The following FADS2 variants were observed in gnomAD, a reference collection of about 807,000 sequenced individuals.
The protein encoded by FADS2 is fatty acid desaturase 2.
FADS2 carries 18 observed loss-of-function variants against 61.2 expected under a neutral mutation model. The ratio of observed to expected loss-of-function variants is 0.29; its 90% CI spans 0.20 to 0.44. The LOEUF is 0.44. FADS2 is among the 20% of genes least tolerant of loss of function. The pLI is 1.00. For missense variants in FADS2, 322 were observed against 572.7 expected, an observed-to-expected ratio of 0.56 and a Z score of 4.47; for synonymous variants, 203 against 223.9, an observed-to-expected ratio of 0.91 and a Z score of 0.83.
rs528532061 is a variant in FADS2, at chr11:61,840,535, A to G, written c.516+4A>G. On this transcript the variant is annotated splice_donor_region_variant and intron_variant, in intron 3 of 11. Coordinates refer to ENST00000278840, the MANE Select transcript of FADS2 (RefSeq NM_004265.4). ...CTTTGTCCTTGCTACCTCTCAGGTG[A>G]GGCGTGACACCCTCACTTCCCCTAG... is the stretch of plus-strand genomic sequence containing the variant. 3.1e-6 allele frequency: 5 copies of G among 1,614,066 alleles called. No individual in the cohort carries two copies. The highest frequency in any genetic ancestry group is 4.2e-6 in the Non-Finnish European group (5 of 1,179,978).
rs1469941173 is a variant in FADS2, at chr11:61,821,500, A to C, written c.141+5074A>C. ...TCAAATTTTGATCCATTTTAACAAA[A>C]GATCCTAAACATAATAGTTGGCCAA... is the stretch of plus-strand genomic sequence containing the variant. On this transcript the variant is annotated intron_variant, in intron 1 of 11. Coordinates refer to the FADS2 transcript ENST00000257261. 4.3e-6 allele frequency: 3 copies of C among 695,152 alleles called. No individual in the cohort carries two copies. In the African/African-American group the frequency reaches 5.3e-5, roughly 12 times the overall value. The allele number at this position is 695,152 out of a possible 1,614,324, so 43.1% of individuals were successfully genotyped here. A position where few individuals can be genotyped will look rare whatever the true frequency, so the allele number is the denominator to read the frequency against.
chr11:61,852,585 T>C (rs182725128), intron 5 of FADS2, among the ~76,000 whole-genome samples: 1 of 152,328 alleles, frequency 6.6e-6, no homozygotes, highest in Admixed American at 6.5e-5. Flanking sequence ...TTTATATGTC[T>C]CATGGATGTT....
chr11:61,865,597 C>A lies in FADS2; in HGVS notation c.1284-41C>A. 1 of 1,598,554 alleles carries A rather than the reference C, an allele frequency of 6.3e-7. No individual in the cohort carries two copies. Among genetic ancestry groups the A allele is most frequent in the Non-Finnish European group, 8.6e-7 (1 of 1,167,778 alleles). On this transcript the variant is annotated intron_variant, in intron 11 of 11. Coordinates refer to ENST00000278840, the MANE Select transcript of FADS2 (RefSeq NM_004265.4). The surrounding 1 kb of genome is among the most constrained non-coding windows in gnomAD (Gnocchi z 4.1). ...GCCCTTGCACTCCCTGGGGCCACTCCCGTCCTGGTCCCTGACCCTGGTCCA... is the reference window on the plus strand; with the variant it reads ...GCCCTTGCACTCCCTGGGGCCACTCACGTCCTGGTCCCTGACCCTGGTCCA...
upstream of FADS2, among the ~76,000 whole-genome samples, chr11:61,824,393 AAAGAGAG>A (rs2067053750): frequency 1.6e-5 from 1 of 63,492 alleles, no homozygotes; most frequent in Non-Finnish European, 3.3e-5. Flanking sequence ...GGGGAAAAAA[AAAGAGAG>A]AGAGAGAGAG....
chr11:61,819,351 G>A (rs1252792758), intron 1 of FADS2, among the ~76,000 whole-genome samples: 4 of 152,176 alleles, frequency 2.6e-5, no homozygotes, highest in Admixed American at 6.5e-5. Flanking sequence ...CGAGGCAGGC[G>A]GATTGCCTGA....
rs2067100431 is a variant in FADS2 at position 61,828,342 on chromosome 11, C to G, written c.-49C>G. ...AGGCAGCCGTCTGTGCAGCGAGCAG[C>G]CGGCGCGGGGAGGCCGCAGTGCACG... is the stretch of plus-strand genomic sequence containing the variant. On this transcript the variant is annotated 5_prime_UTR_variant, in exon 1 of 12. Coordinates refer to ENST00000278840, the MANE Select transcript of FADS2 (RefSeq NM_004265.4). The surrounding 1 kb of genome is among the most constrained non-coding windows in gnomAD (Gnocchi z 6.4). 2 of 1,541,146 alleles carry G rather than the reference C, an allele frequency of 1.3e-6. No homozygotes were observed. Among genetic ancestry groups the G allele is most frequent in the East Asian group, 4.9e-5 (2 of 40,834 alleles).
chr11:61,824,507 G>GAA (rs1279487314), upstream of FADS2, among the ~76,000 whole-genome samples: 2 of 103,962 alleles, frequency 1.9e-5, no homozygotes, highest in African/African-American at 3.6e-5. Flanking sequence ...AGAAAGGAAA[G>GAA]AAAGAAAGAA....
chr11:61,847,130 C>A (rs2067267337), intron 4 of FADS2: 1 of 151,954 alleles, frequency 6.6e-6, no homozygotes, highest in Non-Finnish European at 1.5e-5. Context: ...GGCGGGGTTT[C>A]ACCATGTTGC....
In FADS2 at chr11:61,863,279, C is replaced by A; in HGVS notation, c.981-3C>A. 5.0e-6 allele frequency: 8 copies of A among 1,612,540 alleles called. No individual in the cohort carries two copies. Among genetic ancestry groups the A allele is most frequent in the Non-Finnish European group, 6.8e-6 (8 of 1,178,722 alleles). On this transcript the variant is annotated splice_polypyrimidine_tract_variant and splice_region_variant and intron_variant, in intron 8 of 11. Coordinates refer to ENST00000278840, the MANE Select transcript of FADS2 (RefSeq NM_004265.4). ...CCCTGCGCTGAGCTGTGTTCTCTTG[C>A]AGGTTCCTGGAGAGCCACTGGTTTG...
At chr11:61,834,465 C>T (rs899118541) in intron 1 of FADS2, among the ~76,000 whole-genome samples, 6 of 152,268 alleles carry the variant, frequency 3.9e-5, no homozygotes, top group African/African-American at 7.2e-5. Context: ...CCCTGCCTGG[C>T]GCATGCCCAT....
At chr11:61,862,509 G>A (rs1013146351) in intron 7 of FADS2, 7 of 177,802 alleles carry the variant, frequency 3.9e-5, no homozygotes, top group South Asian at 1.3e-4. Flanking sequence ...AGATAGGGAC[G>A]ATGGTACCTC....
At chr11:61,861,760 AG>A (rs2067419329) in intron 7 of FADS2, among the ~76,000 whole-genome samples, 1 of 152,146 alleles carries the variant, frequency 6.6e-6, no homozygotes, top group Admixed American at 6.5e-5. Context: ...CTGATCACCT[AG>A]GACCAGCCTA....
At chr11:61,817,007 A>G in intron 1 of FADS2, 1 of 1,318,406 alleles carries the variant, frequency 7.6e-7, no homozygotes, top group Non-Finnish European at 9.7e-7. Context: ...GGCTGCCAAC[A>G]CGCGCCCCCT....
At chr11:61,851,230 A>G (rs2067304204) in intron 5 of FADS2, among the ~76,000 whole-genome samples, 1 of 152,202 alleles carries the variant, frequency 6.6e-6, no homozygotes, top group South Asian at 2.1e-4. Flanking sequence ...CTGTCCTGAC[A>G]GATGTTCTCT....
chr11:61,817,672 A>G (rs174562), intron 1 of FADS2, among the ~76,000 whole-genome samples: 43,659 of 152,046 alleles, frequency 0.29, 8,124 homozygotes, highest in East Asian at 0.55. Flanking sequence ...GGAGGCGCCT[A>G]GGAGCCCTGG....
intron 1 of FADS2, among the ~76,000 whole-genome samples, chr11:61,829,747 C>A (rs910058528): frequency 1.3e-5 from 2 of 152,206 alleles, no homozygotes; most frequent in African/African-American, 4.8e-5. Context: ...TGACGTAGAT[C>A]ATTCCACCTG....
intron 4 of FADS2, 140 bp from the exon 5 acceptor site, chr11:61,848,019 G>A: frequency 1.1e-6 from 1 of 938,086 alleles, no homozygotes; most frequent in Non-Finnish European, 1.6e-6. Context: ...GGCAGGGCTG[G>A]ATTCTGGCCT....
chr11:61,859,981 C>T (rs2067399216), intron 7 of FADS2, among the ~76,000 whole-genome samples: 1 of 152,136 alleles, frequency 6.6e-6, no homozygotes, highest in Non-Finnish European at 1.5e-5. Context: ...CCCTAAGGAA[C>T]AAAGTATTAA....
chr11:61,837,588 A>G (rs2067184448), intron 1 of FADS2, among the ~76,000 whole-genome samples, 190 bp from the exon 2 acceptor site: 1 of 152,204 alleles, frequency 6.6e-6, no homozygotes. Context: ...GGCTGTTGCC[A>G]TTGGCGTTGG....
Sources: allele counts gnomAD v4.1 joint callset (sites outside exome capture counted in the v4.1 genomes callset), GRCh38; gene constraint gnomAD v4.1.1; non-coding constraint Gnocchi (gnomAD v3.1); transcripts MANE v1.5; gene names NCBI Gene and HGNC (gene_info 2026-07-23, HGNC 2026-07-21).